Variants in CDH13 observed in about 807,000 individuals in gnomAD.
The protein encoded by CDH13 is cadherin-13.
Under a neutral mutation model 63.8 loss-of-function variants are expected in CDH13, and 24 were observed. The ratio of observed to expected loss-of-function variants is 0.38; its 90% CI spans 0.27 to 0.53. The LOEUF (loss-of-function observed/expected upper bound fraction) is 0.53, where lower values mean the gene tolerates loss of function less well. Ranked by LOEUF, CDH13 falls within the 20% of genes least tolerant of loss-of-function variation. CDH13 has a pLI of 0.85. For missense variants in CDH13, 1,049 were observed against 903.1 expected, an observed-to-expected ratio of 1.16 and a Z score of -2.07; for synonymous variants, 503 against 355.3, an observed-to-expected ratio of 1.42 and a Z score of -4.67.
chr16:83,696,141 T>C (rs1420183361), intron 10 of CDH13, among the ~76,000 whole-genome samples: 2 of 152,164 alleles, frequency 1.3e-5, no homozygotes, highest in Non-Finnish European at 2.9e-5. Context: ...TCCACTCGCT[T>C]CTGCCTCCCA....
At chr16:83,734,634 A>G (rs1911358645) in intron 10 of CDH13, among the ~76,000 whole-genome samples, 1 of 151,770 alleles carries the variant, frequency 6.6e-6, no homozygotes, top group Non-Finnish European at 1.5e-5. Flanking sequence ...CTAATGCTAA[A>G]TGACGAGTTA....
At chr16:82,838,793 C>G (rs1008573385) in intron 1 of CDH13, among the ~76,000 whole-genome samples, 1 of 152,212 alleles carries the variant, frequency 6.6e-6, no homozygotes, top group Admixed American at 6.5e-5. Context: ...TGATGGGTCA[C>G]TTCACTGGCC....
At chr16:82,707,458 G>A (rs561509673) in intron 1 of CDH13, among the ~76,000 whole-genome samples, 2 of 152,314 alleles carry the variant, frequency 1.3e-5, no homozygotes, top group East Asian at 1.9e-4. Context: ...CTCAAGGCAC[G>A]GAGAGATGAT....
At chr16:82,652,314 G>A (rs908122736) in intron 1 of CDH13, among the ~76,000 whole-genome samples, 6 of 152,176 alleles carry the variant, frequency 3.9e-5, no homozygotes, top group African/African-American at 1.4e-4. Context: ...AGAAGGTTCT[G>A]TTTCTCACCT....
At chr16:83,450,538 C>T (rs1184143437) in intron 6 of CDH13, among the ~76,000 whole-genome samples, 1 of 151,964 alleles carries the variant, frequency 6.6e-6, no homozygotes, top group African/African-American at 2.4e-5. Flanking sequence ...TTTATTAAAT[C>T]GAACGGAAAA....
chr16:82,872,796 G>C (rs551475193), intron 2 of CDH13, among the ~76,000 whole-genome samples: 1 of 152,292 alleles, frequency 6.6e-6, no homozygotes, highest in East Asian at 1.9e-4. Context: ...TGTATATTGA[G>C]TCCCTACCAC....
intron 2 of CDH13, chr16:82,859,312 C>G (rs1018639274): frequency 6.6e-6 from 1 of 152,364 alleles, no homozygotes; most frequent in East Asian, 1.9e-4. Flanking sequence ...AATCTCACCA[C>G]TTTGGGAGGC....
chr16:83,743,496 A>G (rs1177949935), intron 10 of CDH13, among the ~76,000 whole-genome samples: 1 of 152,206 alleles, frequency 6.6e-6, no homozygotes, highest in African/African-American at 2.4e-5. Context: ...TAATTGTACA[A>G]CAAAATTATG....
At chr16:82,918,234 A>G (rs372762668) in intron 2 of CDH13, among the ~76,000 whole-genome samples, 7 of 152,190 alleles carry the variant, frequency 4.6e-5, no homozygotes, top group Non-Finnish European at 1.0e-4. Context: ...GAAATCCAAG[A>G]TAGTTGAGAA....
intron 8 of CDH13, among the ~76,000 whole-genome samples, chr16:83,661,710 T>C (rs559233217): frequency 1.3e-5 from 2 of 152,230 alleles, no homozygotes; most frequent in Non-Finnish European, 2.9e-5. Context: ...AGAGGAAGAG[T>C]ACAGTCACTG....
intron 2 of CDH13, among the ~76,000 whole-genome samples, chr16:82,890,589 T>G (rs1313628641): frequency 6.6e-6 from 1 of 152,108 alleles, no homozygotes; most frequent in Non-Finnish European, 1.5e-5. Context: ...TTCTTACATT[T>G]GTAACATTTG....
At chr16:83,121,949 T>C (rs1032859871) in intron 3 of CDH13, among the ~76,000 whole-genome samples, 1 of 141,536 alleles carries the variant, frequency 7.1e-6, no homozygotes. Flanking sequence ...ACATAAATTT[T>C]CCTTTAAAAC....
chr16:82,984,532 C>G (rs370227520), intron 2 of CDH13, among the ~76,000 whole-genome samples: 4 of 152,224 alleles, frequency 2.6e-5, no homozygotes, highest in African/African-American at 9.6e-5. Context: ...CTGAAATTAT[C>G]AAGTGGGATA....
intron 4 of CDH13, among the ~76,000 whole-genome samples, chr16:83,153,774 C>G (rs2037089004): frequency 6.6e-6 from 1 of 152,200 alleles, no homozygotes; most frequent in South Asian, 2.1e-4. Flanking sequence ...CTTCCAAAAC[C>G]ATGAGACAGG....
chr16:83,404,213 A>G (rs1279131515), intron 6 of CDH13, among the ~76,000 whole-genome samples: 1 of 152,226 alleles, frequency 6.6e-6, no homozygotes, highest in East Asian at 1.9e-4. Context: ...ACGTTTCAGA[A>G]CTTTTGGCAT....
At position 83,087,671 on chromosome 16, in the gene CDH13, CAAAAAAA is replaced by C. The variant is rs67228844; in HGVS notation, c.367-37694_367-37688del. ...CGACGAAGCAAGACTCCCTCCGTCT[CAAAAAAA>C]AAAAAAAAAAAAAAAAAAAGCCTAG... On this transcript the variant is annotated intron_variant, in intron 3 of 13. Transcript: ENST00000567109. Among the ~76,000 whole-genome samples, 8 of 43,998 alleles carry C rather than the reference CAAAAAAA, an allele frequency of 1.8e-4. No homozygotes were observed. In the Admixed American group the frequency reaches 2.6e-3, roughly 14 times the overall value. The allele number at this position is 43,998 out of a possible 152,430, so 28.9% of individuals were successfully genotyped here. A position where few individuals can be genotyped will look rare whatever the true frequency, so the allele number is the denominator to read the frequency against.
intron 7 of CDH13, among the ~76,000 whole-genome samples, chr16:83,592,919 A>G (rs1193377935): frequency 6.6e-6 from 1 of 152,244 alleles, no homozygotes; most frequent in Non-Finnish European, 1.5e-5. Flanking sequence ...AGATGGAAGA[A>G]CATCGCTCGA....
At chr16:82,663,279 T>G (rs996923448) in intron 1 of CDH13, among the ~76,000 whole-genome samples, 1 of 152,132 alleles carries the variant, frequency 6.6e-6, no homozygotes, top group African/African-American at 2.4e-5. Context: ...CTCTGCCTCC[T>G]AGGTTCAAGC....
At chr16:82,686,245 C>G (rs1159787748) in intron 1 of CDH13, among the ~76,000 whole-genome samples, 1 of 152,208 alleles carries the variant, frequency 6.6e-6, no homozygotes, top group Admixed American at 6.5e-5. Context: ...GAAAGTAAAT[C>G]AGGACTTTCC....
Sources: gnomAD v4.1 joint callset for allele counts (sites outside exome capture counted in the v4.1 genomes callset) on GRCh38, gnomAD v4.1.1 for gene constraint, MANE v1.5 for transcripts, NCBI Gene and HGNC (gene_info 2026-07-23, HGNC 2026-07-21) for gene names.